Variants in LRRC37A3 observed in about 807,000 individuals in gnomAD.
LRRC37A3 encodes leucine rich repeat containing 37 member A3.
A neutral mutation model predicts 106.2 loss-of-function variants in LRRC37A3; 25 were observed. The observed-to-expected ratio is 0.24, with a 90% confidence interval of 0.17 to 0.33. The LOEUF is 0.33. Ranked by LOEUF, LRRC37A3 falls within the 10% of genes least tolerant of loss-of-function variation. The pLI is 1.00. For synonymous variants in LRRC37A3, 305 were observed against 635.8 expected, an observed-to-expected ratio of 0.48 and a Z score of 7.83; for missense variants, 712 against 1,644.9, an observed-to-expected ratio of 0.43 and a Z score of 9.81.
In LRRC37A3 at chr17:64,854,649, G is replaced by A. The variant is rs1297771690; in HGVS notation, c.4860-5C>T. On this transcript the variant is annotated splice_region_variant and splice_polypyrimidine_tract_variant and intron_variant, in intron 14 of 14. Transcript: ENST00000584306. ...TCCGTTGGGGCTTCGCTGTCCCTGG[G>A]ATAAGAATAACAATGCCAAGGTTTT... is the stretch of plus-strand genomic sequence containing the variant. 6.2e-7 allele frequency: 1 copy of A among 1,613,464 alleles called. No individual in the cohort carries two copies. The highest frequency in any genetic ancestry group is 2.2e-5 in the East Asian group (1 of 44,888).
chr17:64,894,050 AT>A (rs1567778780), intron 4 of LRRC37A3, among the ~76,000 whole-genome samples: 2 of 141,244 alleles, frequency 1.4e-5, no homozygotes, highest in Non-Finnish European at 3.0e-5. Flanking sequence ...AGGGACAAAA[AT>A]GAGTTCTGGA....
At chr17:64,862,773 A>C (rs1972919084) in intron 11 of LRRC37A3, 127 bp downstream of exon 11, 1 of 1,222,532 alleles carries the variant, frequency 8.2e-7, no homozygotes, top group Admixed American at 1.9e-5. Flanking sequence ...AGGGAGTTTA[A>C]CTCTGAATGA....
chr17:64,859,793 G>T lies in LRRC37A3; in HGVS notation c.4353C>A (p.Gly1451=). The stretch of plus-strand genomic sequence containing the variant: ...TTTTGGGCTCGGGGGACAGGTCAGT[G>T]CCCACGTTGTTGTATTCCCATTTTG... ...TETKWEYNNV[G]TDLSPEPKSF... Residue 1451 remains glycine (G), a synonymous_variant, in exon 12 of 15, where the codon GGC becomes GGA. Coordinates refer to ENST00000584306, the MANE Select transcript of LRRC37A3 (RefSeq NM_199340.5). 6.2e-6 allele frequency: 10 copies of T among 1,612,280 alleles called. No homozygotes were observed. The highest frequency in any genetic ancestry group is 8.5e-6 in the Non-Finnish European group (10 of 1,179,946).
intron 2 of LRRC37A3, among the ~76,000 whole-genome samples, chr17:64,915,471 T>C (rs1376896312): frequency 6.6e-6 from 1 of 152,242 alleles, no homozygotes. Flanking sequence ...GAACAGCTAT[T>C]ATCATTCATT....
Position 64,880,776 on chromosome 17 carries a change from T to C in LRRC37A3, c.2906+5310A>G, listed in dbSNP as rs186238748. 5.5e-4 allele frequency among the ~76,000 whole-genome samples: 83 copies of C among 152,208 alleles called. 1 individual carries two copies. In the East Asian group the frequency reaches 0.014, roughly 26 times the overall value. On this transcript the variant is annotated intron_variant, in intron 8 of 14. Coordinates refer to ENST00000584306, the MANE Select transcript of LRRC37A3 (RefSeq NM_199340.5). The stretch of plus-strand genomic sequence containing the variant: ...GAACATTTCTTGCCTGTTTTTTTTT[T>C]TCCCCTCCAAATTCTTCTACACAGG...
rs776009535 is a variant in LRRC37A3, at chr17:64,855,861, T to C, written c.4838A>G (p.Glu1613Gly). The C allele has an allele frequency of 5.0e-6, 8 of 1,611,906 alleles. No homozygotes were observed. Among genetic ancestry groups the C allele is most frequent in the Non-Finnish European group, 5.9e-6 (7 of 1,179,738 alleles). Residue 1613 changes from glutamate to glycine, a missense_variant, in exon 14 of 15, where the codon GAA (glutamate) becomes GGA (glycine). By Grantham distance (98) the Glu-to-Gly change is moderately conservative (BLOSUM62 -2). Transcript: ENST00000584306. ...EICCHRRSLQEDEEGFSRDSE... is the reference protein window; with the variant it reads ...EICCHRRSLQGDEEGFSRDSE... Reference sequence around the variant, plus strand: ...TTACCTTGAGAATCCTTCTTCATCTTCTTGTAATGACCTTCGGTGACAACA... The same window carrying C: ...TTACCTTGAGAATCCTTCTTCATCTCCTTGTAATGACCTTCGGTGACAACA...
intron 2 of LRRC37A3, among the ~76,000 whole-genome samples, chr17:64,909,008 C>T (rs1332287322): frequency 6.6e-6 from 1 of 152,014 alleles, no homozygotes; most frequent in Non-Finnish European, 1.5e-5. Context: ...CTCCTCACCT[C>T]AGGTGATCCA....
At chr17:64,864,902 A>G (rs1567765486) in intron 10 of LRRC37A3, among the ~76,000 whole-genome samples, 1 of 152,184 alleles carries the variant, frequency 6.6e-6, no homozygotes, top group East Asian at 1.9e-4. Context: ...GACTGTGGAA[A>G]CAGAAGAGGG....
chr17:64,854,145 T>C lies in LRRC37A3; in HGVS notation c.*454A>G, dbSNP rs1301688797. Among the ~76,000 whole-genome samples, 5 of 152,198 alleles carry C rather than the reference T, an allele frequency of 3.3e-5. No individual in the cohort carries two copies. Among genetic ancestry groups the C allele is most frequent in the African/African-American group, 9.7e-5 (4 of 41,444 alleles). On this transcript the variant is annotated 3_prime_UTR_variant, in exon 15 of 15. Coordinates refer to ENST00000584306, the MANE Select transcript of LRRC37A3 (RefSeq NM_199340.5). ...GAAAAACACATTTTAAAAAAAGCAATGTGAATCTTTTGCCATCTTGTAAGG... is the reference window on the plus strand; with the variant it reads ...GAAAAACACATTTTAAAAAAAGCAACGTGAATCTTTTGCCATCTTGTAAGG...
intron 2 of LRRC37A3, chr17:64,910,215 T>G (rs1176794163): frequency 1.3e-5 from 2 of 152,444 alleles, no homozygotes; most frequent in South Asian, 2.1e-4. Context: ...TTTGCTGAAA[T>G]GCTGAGAAAT....
intron 2 of LRRC37A3, among the ~76,000 whole-genome samples, chr17:64,916,661 G>A (rs1598440211): frequency 6.7e-6 from 1 of 149,676 alleles, no homozygotes; most frequent in Middle Eastern, 3.5e-3. Flanking sequence ...GTGCGCACTT[G>A]CAATCCCAGT....
chr17:64,869,523 T>A (rs2143440928), intron 8 of LRRC37A3, among the ~76,000 whole-genome samples: 1 of 151,336 alleles, frequency 6.6e-6, no homozygotes, highest in South Asian at 2.1e-4. Flanking sequence ...TAATTCAAGT[T>A]GTTCATCTAT....
intron 10 of LRRC37A3, among the ~76,000 whole-genome samples, chr17:64,867,564 T>C (rs1973157352): frequency 6.6e-6 from 1 of 151,592 alleles, no homozygotes; most frequent in Non-Finnish European, 1.5e-5. Flanking sequence ...ATACTCTAAG[T>C]ACCTAATACA....
chr17:64,863,971 A>ATTT (rs1218172930), intron 10 of LRRC37A3, among the ~76,000 whole-genome samples: 1,688 of 128,930 alleles, frequency 0.013, 44 homozygotes, highest in African/African-American at 0.048. Flanking sequence ...TGCCCAGCTA[A>ATTT]TTTTTTTTTT....
intron 2 of LRRC37A3, among the ~76,000 whole-genome samples, chr17:64,913,500 T>C (rs1282892638): frequency 6.6e-6 from 1 of 151,986 alleles, no homozygotes; most frequent in Non-Finnish European, 1.5e-5. Context: ...GCCACCACAC[T>C]AGGCTATTTT....
At chr17:64,911,231 T>C (rs1409859216) in intron 2 of LRRC37A3, among the ~76,000 whole-genome samples, 1 of 146,760 alleles carries the variant, frequency 6.8e-6, no homozygotes, top group Non-Finnish European at 1.5e-5. Flanking sequence ...TCTGAAGTTC[T>C]AGTATTACCA....
intron 2 of LRRC37A3, among the ~76,000 whole-genome samples, chr17:64,913,393 T>C (rs923941446): frequency 1.4e-5 from 2 of 145,024 alleles, no homozygotes; most frequent in Non-Finnish European, 3.0e-5. Context: ...CAGGCTGGGG[T>C]GCAGTGGCGT....
chr17:64,890,791 C>T (rs546448632), intron 5 of LRRC37A3, among the ~76,000 whole-genome samples: 1 of 143,484 alleles, frequency 7.0e-6, no homozygotes, highest in African/African-American at 2.9e-5. Context: ...AAGATCGCAC[C>T]ATTGCACTCC....
chr17:64,865,383 A>G (rs1468623980), intron 10 of LRRC37A3, among the ~76,000 whole-genome samples: 1 of 151,916 alleles, frequency 6.6e-6, no homozygotes, highest in Non-Finnish European at 1.5e-5. Context: ...GGCACAAGCA[A>G]CCCTCTCTCT....
Sources: gnomAD v4.1 joint callset for allele counts (sites outside exome capture counted in the v4.1 genomes callset) on GRCh38, gnomAD v4.1.1 for gene constraint, MANE v1.5 for transcripts, NCBI Gene and HGNC (gene_info 2026-07-23, HGNC 2026-07-21) for gene names.